The following POU3F3 variants were observed in gnomAD, a reference collection of about 807,000 sequenced individuals.
The protein encoded by POU3F3 is POU class 3 homeobox 3.
In POU3F3, 1 loss-of-function variant was observed where a neutral mutation model predicts 8.6. The observed-to-expected ratio is 0.12, with a 90% confidence interval of 0.04 to 0.55. The LOEUF is 0.55. POU3F3 is among the 20% of genes least tolerant of loss of function. The probability of loss-of-function intolerance (pLI) is 0.91; values close to 1 mark genes in which losing one functional copy is unlikely to be tolerated. For missense variants in POU3F3, 577 were observed against 690.7 expected (o/e 0.84, Z 1.84); for synonymous variants, 418 against 327.4 (o/e 1.28, Z -2.99).
the POU3F3 span, among the ~76,000 whole-genome samples, chr2:104,870,747 C>T: frequency 2.0e-5 from 3 of 152,156 alleles, no homozygotes; most frequent in African/African-American, 7.2e-5. Flanking sequence ...TTATTCCCTT[C>T]CTCCCTCCAG....
the POU3F3 span, among the ~76,000 whole-genome samples, chr2:104,913,197 T>C: frequency 6.6e-6 from 1 of 152,010 alleles, no homozygotes; most frequent in South Asian, 2.1e-4. Context: ...TTGGCTTTTT[T>C]TTTTTTAAAG....
Position 104,854,722 on chromosome 2 carries a change from A to G in POU3F3, c.-789A>G, listed in dbSNP as rs1676512160. ...GAACAAAACTTGAAACGAGAGGACC[A>G]GAGGGGGAGAGCAGGAGCCAGCCTC... On this transcript the variant is annotated 5_prime_UTR_variant, in exon 1 of 1. Transcript: ENST00000361360. The surrounding 1 kb of genome is among the most constrained non-coding windows in gnomAD (Gnocchi z 4.5). Among the ~76,000 whole-genome samples the G allele has an allele frequency of 6.6e-6, 1 of 152,188 alleles. No homozygotes were observed. The highest frequency in any genetic ancestry group is 2.4e-5 in the African/African-American group (1 of 41,460).
chr2:104,896,360 G>T, the POU3F3 span, among the ~76,000 whole-genome samples: 2 of 152,176 alleles, frequency 1.3e-5, no homozygotes, highest in Non-Finnish European at 2.9e-5. Context: ...GTGGACTTGA[G>T]GCCAGACTGG....
At chr2:104,871,973 C>T in the POU3F3 span, among the ~76,000 whole-genome samples, 11 of 152,264 alleles carry the variant, frequency 7.2e-5, no homozygotes, top group South Asian at 1.9e-3. Flanking sequence ...AGGGAGGTGA[C>T]AAGACCTGCC....
At chr2:104,910,754 G>A in the POU3F3 span, among the ~76,000 whole-genome samples, 2 of 152,072 alleles carry the variant, frequency 1.3e-5, no homozygotes, top group Non-Finnish European at 2.9e-5. Context: ...TAAGAAAGAG[G>A]ATAACTGTAT....
the POU3F3 span, among the ~76,000 whole-genome samples, chr2:104,900,259 A>G: frequency 6.6e-6 from 1 of 152,204 alleles, no homozygotes; most frequent in African/African-American, 2.4e-5. Flanking sequence ...TACACTGCGC[A>G]TGGTTAGATG....
Position 104,855,215 on chromosome 2 carries a change from T to TGCG in POU3F3, c.-294_-293insGGC. 6.6e-6 allele frequency among the ~76,000 whole-genome samples: 1 copy of TGCG among 150,866 alleles called. No individual in the cohort carries two copies. The highest frequency in any genetic ancestry group is 2.1e-4 in the South Asian group (1 of 4,808). The stretch of plus-strand genomic sequence containing the variant: ...CTCCCCAGAGCGCTGCTCCTGCGGC[T>TGCG]GCTGCTGCTGCTGGTGACCAAGGCC... On this transcript the variant is annotated 5_prime_UTR_variant, in exon 1 of 1. Coordinates refer to ENST00000361360, the MANE Select transcript of POU3F3 (RefSeq NM_006236.3).
At chr2:104,889,815 A>G in the POU3F3 span, among the ~76,000 whole-genome samples, 1 of 152,246 alleles carries the variant, frequency 6.6e-6, no homozygotes, top group African/African-American at 2.4e-5. Flanking sequence ...CATAAACATT[A>G]TAAAGTCTGG....
the POU3F3 span, among the ~76,000 whole-genome samples, chr2:104,890,677 T>C: frequency 6.6e-6 from 1 of 152,156 alleles, no homozygotes; most frequent in Non-Finnish European, 1.5e-5. Context: ...GAGGGTCCTA[T>C]CATGTCAAAC....
the POU3F3 span, among the ~76,000 whole-genome samples, chr2:104,900,858 T>G: frequency 6.6e-6 from 1 of 152,206 alleles, no homozygotes; most frequent in African/African-American, 2.4e-5. Context: ...GAGCAGTATA[T>G]TCTGGACTGA....
At chr2:104,897,137 G>A in the POU3F3 span, among the ~76,000 whole-genome samples, 4 of 152,332 alleles carry the variant, frequency 2.6e-5, no homozygotes, top group Middle Eastern at 0.01. Context: ...CAGATCAGGG[G>A]TGAGATGCCA....
chr2:104,912,875 C>G, the POU3F3 span, among the ~76,000 whole-genome samples: 1 of 152,234 alleles, frequency 6.6e-6, no homozygotes, highest in Non-Finnish European at 1.5e-5. Context: ...CCACTGTCAC[C>G]TTGCAGATCA....
the POU3F3 span, among the ~76,000 whole-genome samples, chr2:104,880,769 T>C: frequency 2.0e-5 from 3 of 152,326 alleles, no homozygotes; most frequent in Non-Finnish European, 2.9e-5. Flanking sequence ...CTCTCAGCAA[T>C]GCCCGAGAGC....
the POU3F3 span, among the ~76,000 whole-genome samples, chr2:104,877,699 G>T: frequency 3.5e-5 from 5 of 140,896 alleles, no homozygotes; most frequent in South Asian, 1.1e-3. Context: ...TCACTCTGTC[G>T]CCAGGCTGGA....
the POU3F3 span, among the ~76,000 whole-genome samples, chr2:104,925,802 A>G: frequency 6.6e-6 from 1 of 151,580 alleles, no homozygotes; most frequent in African/African-American, 2.4e-5. Context: ...AGCCATAAAG[A>G]ACTTAGACTC....
chr2:104,871,939 GAA>G, the POU3F3 span, among the ~76,000 whole-genome samples: 1 of 152,188 alleles, frequency 6.6e-6, no homozygotes, highest in Non-Finnish European at 1.5e-5. Flanking sequence ...GACGGCCAGC[GAA>G]AGTTTCCCCC....
the POU3F3 span, among the ~76,000 whole-genome samples, chr2:104,922,363 G>A: frequency 2.8e-5 from 2 of 71,764 alleles, no homozygotes; most frequent in Non-Finnish European, 5.5e-5. Context: ...GCTAGACAAA[G>A]ACTTTAAAAC....
the POU3F3 span, among the ~76,000 whole-genome samples, chr2:104,873,053 T>C: frequency 6.6e-6 from 1 of 152,206 alleles, no homozygotes; most frequent in Non-Finnish European, 1.5e-5. Context: ...TTGCCCTTTG[T>C]TTCTGGAAAC....
At chr2:104,881,905 G>A in the POU3F3 span, among the ~76,000 whole-genome samples, 10 of 152,138 alleles carry the variant, frequency 6.6e-5, no homozygotes, top group African/African-American at 1.9e-4. Flanking sequence ...GATTATCATC[G>A]TTCCCACTCC....
Sources: gnomAD v4.1 joint callset for allele counts (sites outside exome capture counted in the v4.1 genomes callset) on GRCh38, gnomAD v4.1.1 for gene constraint, Gnocchi (gnomAD v3.1) non-coding constraint, MANE v1.5 for transcripts, NCBI Gene and HGNC (gene_info 2026-07-23, HGNC 2026-07-21) for gene names.